Variants in SFMBT2 observed in about 807,000 individuals in gnomAD.
SFMBT2 encodes the protein Scm like with four mbt domains 2.
In SFMBT2, 38 loss-of-function variants were observed where a neutral mutation model predicts 110.1. The ratio of observed to expected loss-of-function variants is 0.35; its 90% CI spans 0.27 to 0.45. The LOEUF is 0.45. Among genes scored for constraint, SFMBT2 ranks in the 20% least tolerant of loss-of-function variants. The probability of loss-of-function intolerance (pLI) is 1.00; values close to 1 mark genes in which losing one functional copy is unlikely to be tolerated. For missense variants in SFMBT2, 1,011 were observed against 1,094.9 expected (o/e 0.92, Z 1.08); for synonymous variants, 425 against 425.4 (o/e 1.00, Z 0.01).
chr10:7,306,728 C>G (rs1842708452), intron 4 of SFMBT2, among the ~76,000 whole-genome samples: 1 of 105,534 alleles, frequency 9.5e-6, no homozygotes. Context: ...AAGATGAAGC[C>G]AAGAAAAGGG....
chr10:7,256,459 TAAGAAAA>T (rs1841010707), intron 7 of SFMBT2, among the ~76,000 whole-genome samples: 1 of 152,196 alleles, frequency 6.6e-6, no homozygotes, highest in African/African-American at 2.4e-5. Context: ...TTCAGTGGCT[TAAGAAAA>T]AAGCATGTGA....
intron 4 of SFMBT2, among the ~76,000 whole-genome samples, chr10:7,289,833 G>C (rs1842210778): frequency 6.6e-6 from 1 of 152,202 alleles, no homozygotes; most frequent in Non-Finnish European, 1.5e-5. Flanking sequence ...GATTAATTCA[G>C]TTAAATTCTG....
intron 4 of SFMBT2, among the ~76,000 whole-genome samples, chr10:7,335,373 T>G (rs995261960): frequency 3.3e-5 from 5 of 152,098 alleles, no homozygotes; most frequent in African/African-American, 1.2e-4. Context: ...TATCACACTA[T>G]CTTAGGAGGC....
intron 8 of SFMBT2, among the ~76,000 whole-genome samples, chr10:7,246,692 C>T (rs1220687510): frequency 8.4e-6 from 1 of 119,648 alleles, no homozygotes; most frequent in Non-Finnish European, 1.6e-5. Context: ...GCACTCTAGC[C>T]TGGGTGACGG....
chr10:7,286,895 G>A (rs935425088), intron 4 of SFMBT2, among the ~76,000 whole-genome samples: 5 of 151,972 alleles, frequency 3.3e-5, no homozygotes, highest in African/African-American at 4.8e-5. Context: ...CAACATAGAC[G>A]CTTAACAAAT....
At chr10:7,178,366 G>A (rs756849657) in intron 16 of SFMBT2, among the ~76,000 whole-genome samples, 9 of 152,168 alleles carry the variant, frequency 5.9e-5, no homozygotes, top group East Asian at 1.9e-4. Flanking sequence ...CTAGGAAAAC[G>A]AGAGTTCTGG....
intron 9 of SFMBT2, chr10:7,228,423 T>G (rs1588361240): frequency 1.3e-6 from 1 of 769,532 alleles, no homozygotes; most frequent in Non-Finnish European, 1.6e-6. Context: ...TTTTAAAAAG[T>G]AACAGAAGGT....
At chr10:7,398,021 C>A (rs1401036251) in intron 1 of SFMBT2, among the ~76,000 whole-genome samples, 1 of 152,218 alleles carries the variant, frequency 6.6e-6, no homozygotes, top group Non-Finnish European at 1.5e-5. Flanking sequence ...GCAATTTACT[C>A]ACCATTTTTC....
intron 16 of SFMBT2, 100 bp from the exon 17 acceptor site, chr10:7,176,265 T>C: frequency 3.9e-6 from 5 of 1,276,466 alleles, no homozygotes; most frequent in Non-Finnish European, 5.5e-6. Flanking sequence ...CATTTTCCAA[T>C]GACAAAGCAT....
intron 4 of SFMBT2, among the ~76,000 whole-genome samples, chr10:7,311,572 T>C (rs1842858782): frequency 6.6e-6 from 1 of 152,242 alleles, no homozygotes; most frequent in African/African-American, 2.4e-5. Flanking sequence ...CACAGAGCAA[T>C]AAATGATCTC....
At chr10:7,240,860 G>C (rs1840405930) in intron 9 of SFMBT2, among the ~76,000 whole-genome samples, 2 of 152,040 alleles carry the variant, frequency 1.3e-5, no homozygotes, top group African/African-American at 2.4e-5. Flanking sequence ...TTTCTTACTG[G>C]TTTACGAGTA....
chr10:7,249,963 C>T (rs894168358), intron 7 of SFMBT2, among the ~76,000 whole-genome samples: 10 of 152,132 alleles, frequency 6.6e-5, no homozygotes, highest in Admixed American at 3.9e-4. Context: ...TACGACAAAA[C>T]CCAATCAAAG....
intron 12 of SFMBT2, chr10:7,203,954 T>G (rs548316846): frequency 3.9e-4 from 67 of 174,002 alleles, no homozygotes; most frequent in South Asian, 7.6e-4. Context: ...TGACCTCAGG[T>G]GATCCACCCG....
chr10:7,315,699 T>C (rs539806761), intron 4 of SFMBT2, among the ~76,000 whole-genome samples: 2 of 152,296 alleles, frequency 1.3e-5, no homozygotes, highest in Admixed American at 6.5e-5. Context: ...GACTAGTCCA[T>C]ATGCCAAATA....
chr10:7,192,428 A>G (rs1398961393), intron 15 of SFMBT2, among the ~76,000 whole-genome samples: 1 of 152,208 alleles, frequency 6.6e-6, no homozygotes, highest in East Asian at 1.9e-4. Context: ...CACCAAGTCT[A>G]TGAACACTGA....
intron 2 of SFMBT2, among the ~76,000 whole-genome samples, chr10:7,371,965 C>T (rs1310916595): frequency 9.0e-6 from 1 of 110,690 alleles, no homozygotes; most frequent in African/African-American, 3.6e-5. Context: ...CTTGCTCTGT[C>T]ATCCAGGCTG....
chr10:7,185,581 C>A (rs1838376600), intron 16 of SFMBT2, among the ~76,000 whole-genome samples: 1 of 152,196 alleles, frequency 6.6e-6, no homozygotes, highest in Non-Finnish European at 1.5e-5. Context: ...TATCTCCTTC[C>A]CTCTGATAAG....
At chr10:7,245,236 C>T (rs1378279565) in intron 8 of SFMBT2, among the ~76,000 whole-genome samples, 1 of 152,048 alleles carries the variant, frequency 6.6e-6, no homozygotes, top group African/African-American at 2.4e-5. Context: ...TGTTTATAGT[C>T]TGTCTCCCTC....
At chr10:7,321,422 C>T (rs567300458) in intron 4 of SFMBT2, among the ~76,000 whole-genome samples, 3 of 152,032 alleles carry the variant, frequency 2.0e-5, no homozygotes, top group Non-Finnish European at 2.9e-5. Flanking sequence ...AGGATGGTCT[C>T]GATCTCCTGA....
Sources: gnomAD v4.1 joint callset for allele counts (sites outside exome capture counted in the v4.1 genomes callset) on GRCh38, gnomAD v4.1.1 for gene constraint, MANE v1.5 for transcripts, NCBI Gene and HGNC (gene_info 2026-07-23, HGNC 2026-07-21) for gene names.